Variants in MTHFD1 observed in about 807,000 individuals in gnomAD.
MTHFD1 encodes C-1-tetrahydrofolate synthase, cytoplasmic.
Under a neutral mutation model 110.3 loss-of-function variants are expected in MTHFD1, and 44 were observed. The observed-to-expected ratio is 0.40, with a 90% confidence interval of 0.31 to 0.51. MTHFD1 has a LOEUF of 0.51. Among genes scored for constraint, MTHFD1 ranks in the 20% least tolerant of loss-of-function variants. The pLI is 0.60. For synonymous variants in MTHFD1, 402 were observed against 428.8 expected (o/e 0.94, Z 0.77); for missense variants, 909 against 1,173.1 (o/e 0.77, Z 3.29).
chr14:64,449,770 T>C, intron 24 of MTHFD1, 148 bp downstream of exon 24: 6 of 889,366 alleles, frequency 6.7e-6, no homozygotes, highest in Non-Finnish European at 1.1e-5. Flanking sequence ...AACCACAGCC[T>C]GGACTCCCAG....
chr14:64,405,084 G>A (rs1489771016), intron 2 of MTHFD1, among the ~76,000 whole-genome samples: 1 of 152,200 alleles, frequency 6.6e-6, no homozygotes, highest in Non-Finnish European at 1.5e-5. Flanking sequence ...TGCCTGGCAT[G>A]TTCTCTGCTG....
intron 25 of MTHFD1, 50 bp downstream of exon 25, chr14:64,453,911 G>A: frequency 1.7e-6 from 2 of 1,185,890 alleles, no homozygotes; most frequent in Non-Finnish European, 2.5e-6. Flanking sequence ...AGCAGGACTT[G>A]GAGTCACAAT....
chr14:64,397,690 C>G (rs1209425130), intron 1 of MTHFD1, among the ~76,000 whole-genome samples: 1 of 152,174 alleles, frequency 6.6e-6, no homozygotes, highest in Non-Finnish European at 1.5e-5. Flanking sequence ...TTGAGAACTA[C>G]TCTAAGCTTA....
At chr14:64,454,690 A>G in intron 25 of MTHFD1, 33 bp from the exon 26 acceptor site, 2 of 1,596,394 alleles carry the variant, frequency 1.3e-6, no homozygotes, top group Non-Finnish European at 8.6e-7. Flanking sequence ...TCATCTTTTC[A>G]TTTGTCCTCC....
chr14:64,389,894 AT>A (rs2077791153), intron 1 of MTHFD1, among the ~76,000 whole-genome samples: 1 of 152,230 alleles, frequency 6.6e-6, no homozygotes, highest in Admixed American at 6.5e-5. Context: ...TGAAGAGATA[AT>A]TTAGTGCATA....
In MTHFD1 at chr14:64,426,036, G is replaced by A. The variant is rs531403942; in HGVS notation, c.971G>A (p.Arg324Gln). The A allele has an allele frequency of 2.5e-6, 4 of 1,613,516 alleles. No individual in the cohort carries two copies. Among genetic ancestry groups the A allele is most frequent in the East Asian group, 4.5e-5 (2 of 44,892 alleles). The change falls in exon 11 of 28, where the codon CGA becomes CAA. Residue 324 changes from arginine to glutamine, a missense_variant. Physicochemically the swap from Arg to Gln is conservative, Grantham distance 43. Transcript: ENST00000652337. ...TTCCAAAGTGACATTGATATATCAC[G>A]ATCTTGTAAACCGAAGCCCATTGGT... ...TPVPSDIDISRSCKPKPIGKL... is the reference protein window; with the variant it reads ...TPVPSDIDISQSCKPKPIGKL...
chr14:64,413,567 T>G (rs988802793), intron 4 of MTHFD1, among the ~76,000 whole-genome samples: 1 of 152,188 alleles, frequency 6.6e-6, no homozygotes, highest in Non-Finnish European at 1.5e-5. Context: ...ATATGCGCTG[T>G]CCAGTATGGG....
intron 22 of MTHFD1, chr14:64,445,141 CTCAAA>C: frequency 3.5e-6 from 1 of 287,490 alleles, no homozygotes; most frequent in Non-Finnish European, 6.8e-6. Flanking sequence ...CATTATCCAG[CTCAAA>C]TGTCGGAGTG....
intron 25 of MTHFD1, 54 bp from the exon 26 acceptor site, chr14:64,454,669 T>C (rs2078436255): frequency 1.5e-5 from 23 of 1,485,388 alleles, no homozygotes; most frequent in Non-Finnish European, 2.2e-5. Context: ...CAGATGGTCA[T>C]TGCTGGGTTG....
chr14:64,449,100 G>A, intron 23 of MTHFD1: 1 of 362,140 alleles, frequency 2.8e-6, no homozygotes, highest in Non-Finnish European at 5.3e-6. Flanking sequence ...CGCCCAGCCA[G>A]CAAAATTCTT....
Position 64,454,869 on chromosome 14 carries a change from A to G in MTHFD1, c.2712A>G (p.Val904=). The part of the protein sequence containing the change: ...SVGAGFLYPL[V]GTMSTMPGLP... The stretch of plus-strand genomic sequence containing the variant: ...GGGCTGGTTTTCTGTACCCCTTAGT[A>G]GGAACGGTAAGTGCATGCTGCAAGG... Residue 904 remains valine (V), a synonymous_variant, in exon 26 of 28, where the codon GTA becomes GTG. Coordinates refer to ENST00000652337, the MANE Select transcript of MTHFD1 (RefSeq NM_005956.4). 6.2e-7 allele frequency: 1 copy of G among 1,614,172 alleles called. No individual in the cohort carries two copies. Among genetic ancestry groups the G allele is most frequent in the Non-Finnish European group, 8.5e-7 (1 of 1,180,000 alleles).
In MTHFD1 at chr14:64,410,987, C is replaced by T. The variant is rs1022016042; in HGVS notation, c.127-103C>T. 4.7e-5 allele frequency: 39 copies of T among 825,286 alleles called. 1 individual carries two copies. Among genetic ancestry groups the T allele is most frequent in the African/African-American group, 3.7e-4 (22 of 59,268 alleles). 51.1% of individuals were successfully genotyped at this position (825,286 alleles called of 1,614,324 possible). A position where few individuals can be genotyped will look rare whatever the true frequency, so the allele number is the denominator to read the frequency against. On this transcript the variant is annotated intron_variant, in intron 2 of 27. Coordinates refer to ENST00000652337, the MANE Select transcript of MTHFD1 (RefSeq NM_005956.4). ...TGTAAAAGTTCTCTGCAACAAGAGTCGCATGATTAAACATTTCTTTTATTA... is the reference window on the plus strand; with the variant it reads ...TGTAAAAGTTCTCTGCAACAAGAGTTGCATGATTAAACATTTCTTTTATTA...
At chr14:64,425,956 C>A in intron 10 of MTHFD1, 63 bp from the exon 11 acceptor site, 1 of 1,602,616 alleles carries the variant, frequency 6.2e-7, no homozygotes, top group South Asian at 1.1e-5. Flanking sequence ...GGGCTTGTTA[C>A]TACTGTGGGA....
intron 12 of MTHFD1, 85 bp from the exon 13 acceptor site, chr14:64,430,099 A>C (rs769443000): frequency 6.2e-6 from 7 of 1,134,192 alleles, no homozygotes; most frequent in Non-Finnish European, 8.1e-6. Flanking sequence ...CTTAGTAGTT[A>C]CAATAATGCA....
At chr14:64,441,512 T>G in intron 19 of MTHFD1, 59 bp downstream of exon 19, 5 of 1,552,002 alleles carry the variant, frequency 3.2e-6, no homozygotes, top group Non-Finnish European at 4.4e-6. Context: ...GCAGAGTGGT[T>G]ATAAAGCACA....
At chr14:64,455,397 G>A (rs188620188) in intron 26 of MTHFD1, among the ~76,000 whole-genome samples, 4 of 152,282 alleles carry the variant, frequency 2.6e-5, no homozygotes, top group East Asian at 1.9e-4. Context: ...GCTTATTTAC[G>A]CTTCAAGGTG....
intron 12 of MTHFD1, 56 bp downstream of exon 12, chr14:64,427,529 C>T: frequency 1.3e-6 from 2 of 1,572,610 alleles, no homozygotes; most frequent in Non-Finnish European, 1.7e-6. Context: ...TCCTTCAGTC[C>T]TCCCAGGCCC....
At chr14:64,428,102 GTTTTTTTTTT>G (rs11289659) in intron 12 of MTHFD1, among the ~76,000 whole-genome samples, 1 of 74,684 alleles carries the variant, frequency 1.3e-5, no homozygotes, top group African/African-American at 5.0e-5. Flanking sequence ...AAGAACATGT[GTTTTTTTTTT>G]TTTTTTTTTT....
At chr14:64,413,430 G>T (rs80146833) in intron 4 of MTHFD1, among the ~76,000 whole-genome samples, 2,642 of 152,196 alleles carry the variant, frequency 0.017, 77 homozygotes, top group African/African-American at 0.061. Flanking sequence ...TTTTATATGA[G>T]GTTCAGGACT....
Sources: gnomAD v4.1 joint callset for allele counts (sites outside exome capture counted in the v4.1 genomes callset) on GRCh38, gnomAD v4.1.1 for gene constraint, MANE v1.5 for transcripts, NCBI Gene and HGNC (gene_info 2026-07-23, HGNC 2026-07-21) for gene names.